C17orf58: variants seen among roughly 807,000 people sequenced by gnomAD.
C17orf58 encodes chromosome 17 open reading frame 58, also known as UPF0450 protein C17orf58.
In C17orf58, 5 loss-of-function variants were observed where a neutral mutation model predicts 7.4. The observed-to-expected ratio is 0.67, with a 90% CI of 0.35 to 1.42. The LOEUF is 1.42. Ranked by LOEUF, C17orf58 falls within the 40% of genes most tolerant of loss-of-function variation. The probability of loss-of-function intolerance (pLI) is 0.04; values close to 1 mark genes in which losing one functional copy is unlikely to be tolerated. For missense variants in C17orf58, 162 were observed against 174.2 expected, an observed-to-expected ratio of 0.93 and a Z score of 0.40; for synonymous variants, 60 against 70.6, an observed-to-expected ratio of 0.85 and a Z score of 0.75.
Position 67,993,094 on chromosome 17 carries a change from A to C in C17orf58, c.779T>G (p.Leu260Ter). 2 of 1,614,104 alleles carry C rather than the reference A, an allele frequency of 1.2e-6. No individual in the cohort carries two copies. Among genetic ancestry groups the C allele is most frequent in the Non-Finnish European group, 1.7e-6 (2 of 1,179,982 alleles). The change falls in exon 3 of 4, where the codon TTA becomes TGA. Residue 260 changes from leucine (L) to a stop codon, truncating the protein, a stop_gained. Coordinates refer to ENST00000580729, the MANE Select transcript of C17orf58 (RefSeq NM_001382359.1). LOFTEE classifies it high-confidence loss of function. The surrounding 1 kb of genome is among the most constrained non-coding windows in gnomAD (Gnocchi z 5.1). The stretch of plus-strand genomic sequence containing the variant: ...ATTGCAGCTGGAGGAGTCCAGGGCT[A>C]ACATGTGGACTCGGAAGAAGAAGCC... ...PDGFFFRVHM[L>*]ALDSSSCNKP...
At chr17:67,994,516 G>GTGTGTGTGTATATA (rs1244199425) in intron 1 of C17orf58, among the ~76,000 whole-genome samples, 23 of 89,530 alleles carry the variant, frequency 2.6e-4, no homozygotes, top group African/African-American at 7.1e-4. Context: ...GTGTGTGTGT[G>GTGTGTGTGTATATA]TATATATATA....
At chr17:67,994,619 A>C (rs374503338) in intron 1 of C17orf58, among the ~76,000 whole-genome samples, 19 of 151,142 alleles carry the variant, frequency 1.3e-4, no homozygotes, top group African/African-American at 3.9e-4. Context: ...GAAAGGTCTC[A>C]TATTACAGGT....
Position 67,994,441 on chromosome 17 carries a change from C to CTT in C17orf58, c.77-459_77-458dup, listed in dbSNP as rs1440865602. Among the ~76,000 whole-genome samples, 3 of 149,446 alleles carry CTT rather than the reference C, an allele frequency of 2.0e-5. No homozygotes were observed. In the East Asian group the frequency reaches 5.9e-4, roughly 29 times the overall value. ...CTTACAACACTGGTTAGATAACAAA[C>CTT]TTTTTTGCCCTTCCTTTAATATATA... On this transcript the variant is annotated intron_variant, in intron 1 of 3. Transcript: ENST00000580729.
rs190704818 is a variant in C17orf58 at position 67,992,008 on chromosome 17, C to T, written c.925G>A (p.Asp309Asn). 4 of 1,613,164 alleles carry T rather than the reference C, an allele frequency of 2.5e-6. No individual in the cohort carries two copies. In the African/African-American group the frequency reaches 4.0e-5, roughly 16 times the overall value. Residue 309 changes from aspartate (D) to asparagine (N), a missense_variant, in exon 4 of 4, where the codon GAT (aspartate) becomes AAT (asparagine). Asp to Asn is a conservative substitution (Grantham distance 23). Transcript: ENST00000580729. ...QVLRGRLRPG[D>N]GLLRSSSSYV... The stretch of plus-strand genomic sequence containing the variant: ...CTGCTGCTGCTCCTTAGCAGTCCAT[C>T]CCCTGGACGGAGGCGGCCTCTCAGG...
Position 67,993,938 on chromosome 17 carries a change from G to T in C17orf58, c.123C>A (p.Ser41Arg). The T allele has an allele frequency of 2.5e-6, 1 of 395,120 alleles. No homozygotes were observed. The allele number at this position is 395,120 out of a possible 1,614,324, so 24.5% of individuals were successfully genotyped here. A position where few individuals can be genotyped will look rare whatever the true frequency, so the allele number is the denominator to read the frequency against. ...SRKPDSRGCP[S>R]AEETPGPRAQ... is the part of the protein sequence containing the mutation. ...CGCGGGGCCCCGGTGTCTCCTCCGCGCTCGGGCAGCCGCGGGAGTCCGGCT... is the reference window on the plus strand; with the variant it reads ...CGCGGGGCCCCGGTGTCTCCTCCGCTCTCGGGCAGCCGCGGGAGTCCGGCT... Residue 41 changes from serine (S) to arginine (R), a missense_variant, in exon 2 of 4, where the codon AGC (serine) becomes AGA (arginine). This residue lies in a region of C17orf58 where 93 missense variants were observed against 90.4 expected (regional missense o/e 1.03). Coordinates refer to ENST00000580729, the MANE Select transcript of C17orf58 (RefSeq NM_001382359.1). This position sits in a 1 kb window ranked among gnomAD's most constrained non-coding sequence, Gnocchi z 5.1.
At chr17:67,996,099 G>T in intron 1 of C17orf58, 24 bp downstream of exon 1, 1 of 398,750 alleles carries the variant, frequency 2.5e-6, no homozygotes, top group Non-Finnish European at 4.4e-6. Context: ...CCGCTCCCAG[G>T]GCCCCGCACT....
chr17:67,992,732 C>T (rs2070846788), intron 3 of C17orf58, among the ~76,000 whole-genome samples: 1 of 152,104 alleles, frequency 6.6e-6, no homozygotes, highest in African/African-American at 2.4e-5. Flanking sequence ...AAAAAAGCAG[C>T]TTTTCTAAAC....
intron 3 of C17orf58, among the ~76,000 whole-genome samples, chr17:67,992,606 C>T (rs1277722314): frequency 2.0e-5 from 3 of 147,026 alleles, no homozygotes; most frequent in South Asian, 4.3e-4. Flanking sequence ...CAGTATGTAA[C>T]CGGACCACAT....
rs782567147 is a variant in C17orf58, at chr17:67,991,916, A to G, written c.1017T>C (p.Ile339=). 1 of 1,597,870 alleles carries G rather than the reference A, an allele frequency of 6.3e-7. No homozygotes were observed. Residue 339 remains isoleucine, a synonymous_variant, in exon 4 of 4, where the codon ATT becomes ATC. Transcript: ENST00000580729. ...QIQGAIHTQC[I] is the part of the protein sequence containing the mutation. ...CAGAAATGCCAGGATGGTTGTTTCA[A>G]ATGCATTGGGTATGAATTGCACCTT...
rs2070856539 is a variant in C17orf58 at position 67,993,337 on chromosome 17, A to G, written c.637+87T>C. On this transcript the variant is annotated intron_variant, in intron 2 of 3. Coordinates refer to ENST00000580729, the MANE Select transcript of C17orf58 (RefSeq NM_001382359.1). The surrounding 1 kb of genome is among the most constrained non-coding windows in gnomAD (Gnocchi z 5.1). ...AACCGCGAAACGGCCCGCACGGGTC[A>G]GGCGCCCTGGGATCTCGCGGGCGGA... is the stretch of plus-strand genomic sequence containing the variant. The G allele has an allele frequency of 9.8e-6, 7 of 716,422 alleles. No individual in the cohort carries two copies. The highest frequency in any genetic ancestry group is 3.0e-5 in the Admixed American group (1 of 32,958). The allele number at this position is 716,422 out of a possible 1,614,324, so 44.4% of individuals were successfully genotyped here.
rs782617371 is a variant in C17orf58, at chr17:67,994,512, G to GCATATATATATA, written c.77-529_77-528insTATATATATATG. ...CGTGTGCGTGTGTGTGTGTGTGTGT[G>GCATATATATATA]TGTGTATATATATATATATATATAA... On this transcript the variant is annotated intron_variant, in intron 1 of 3. Transcript: ENST00000580729. Among the ~76,000 whole-genome samples the GCATATATATATA allele has an allele frequency of 5.4e-4, 46 of 85,562 alleles. 1 individual carries two copies. Among genetic ancestry groups the GCATATATATATA allele is most frequent in the African/African-American group, 1.6e-3 (42 of 26,706 alleles). The allele number at this position is 85,562 out of a possible 152,430, so 56.1% of individuals were successfully genotyped here. A position where few individuals can be genotyped will look rare whatever the true frequency, so the allele number is the denominator to read the frequency against.
chr17:67,992,902 T>G (rs2148736702), intron 3 of C17orf58, 142 bp downstream of exon 3: 1 of 1,613,856 alleles, frequency 6.2e-7, no homozygotes. Context: ...GAATAATACC[T>G]GTCGTCTAAA....
In C17orf58 at chr17:67,993,272, C is replaced by T. The variant is rs1341945270; in HGVS notation, c.638-37G>A. 9.5e-5 allele frequency: 123 copies of T among 1,290,316 alleles called. No homozygotes were observed. Among genetic ancestry groups the T allele is most frequent in the Middle Eastern group, 7.5e-4 (4 of 5,300 alleles). The allele number at this position is 1,290,316 out of a possible 1,614,324, so 79.9% of individuals were successfully genotyped here. A position where few individuals can be genotyped will look rare whatever the true frequency, so the allele number is the denominator to read the frequency against. On this transcript the variant is annotated intron_variant, in intron 2 of 3. Coordinates refer to ENST00000580729, the MANE Select transcript of C17orf58 (RefSeq NM_001382359.1). This position sits in a 1 kb window ranked among gnomAD's most constrained non-coding sequence, Gnocchi z 5.1. ...AAACAGTTTGGAGAAGAGCATTACC[C>T]CGAGTTCCTCTCCCAGTCCCCCAGG...
At position 67,996,231 on chromosome 17, in the gene C17orf58, G is replaced by A. The variant is rs1383439846; in HGVS notation, c.-33C>T. The A allele has an allele frequency of 7.5e-6, 3 of 398,876 alleles. No individual in the cohort carries two copies. In the East Asian group the frequency reaches 1.1e-4, roughly 14 times the overall value. 24.7% of individuals were successfully genotyped at this position (398,876 alleles called of 1,614,324 possible). A position where few individuals can be genotyped will look rare whatever the true frequency, so the allele number is the denominator to read the frequency against. On this transcript the variant is annotated 5_prime_UTR_variant, in exon 1 of 4. Transcript: ENST00000580729. Reference sequence around the variant, plus strand: ...GACAGGGTTCCCAGGCTCTAAAAGTGAGCCTGGTCTTTTGCTTGCTTTCTC... The same window carrying A: ...GACAGGGTTCCCAGGCTCTAAAAGTAAGCCTGGTCTTTTGCTTGCTTTCTC...
Position 67,996,293 on chromosome 17 carries a change from A to G in C17orf58, c.-95T>C, listed in dbSNP as rs1318370652. Reference sequence around the variant, plus strand: ...CTTCTCCACACCCCCACCCCCGTTCATGCTAATGAGGGGCAGCCTTTGGGG... The same window carrying G: ...CTTCTCCACACCCCCACCCCCGTTCGTGCTAATGAGGGGCAGCCTTTGGGG... On this transcript the variant is annotated 5_prime_UTR_variant, in exon 1 of 4. It removes an upstream start codon present in the reference 5' UTR. Coordinates refer to ENST00000580729, the MANE Select transcript of C17orf58 (RefSeq NM_001382359.1). 1 of 394,516 alleles carries G rather than the reference A, an allele frequency of 2.5e-6. No individual in the cohort carries two copies. Among genetic ancestry groups the G allele is most frequent in the Non-Finnish European group, 4.5e-6 (1 of 224,486 alleles). The allele number at this position is 394,516 out of a possible 1,614,324, so 24.4% of individuals were successfully genotyped here.
intron 1 of C17orf58, among the ~76,000 whole-genome samples, chr17:67,994,281 A>T (rs1205084138): frequency 6.6e-6 from 1 of 151,142 alleles, no homozygotes; most frequent in Non-Finnish European, 1.5e-5. Flanking sequence ...AGCAGGGAGA[A>T]CCCGGACGCA....
chr17:67,991,736 G>A lies in C17orf58; in HGVS notation c.*177C>T, dbSNP rs187441145. 1.9e-4 allele frequency: 97 copies of A among 515,124 alleles called. No individual in the cohort carries two copies. Among genetic ancestry groups the A allele is most frequent in the African/African-American group, 1.7e-3 (89 of 51,892 alleles). The allele number at this position is 515,124 out of a possible 1,614,324, so 31.9% of individuals were successfully genotyped here. On this transcript the variant is annotated 3_prime_UTR_variant, in exon 4 of 4. Coordinates refer to ENST00000580729, the MANE Select transcript of C17orf58 (RefSeq NM_001382359.1). Reference sequence around the variant, plus strand: ...AGCTCAGGAGCAGCCCATTTAAGAAGCATCTTGTAAATAACAAAGTGACAC... The same window carrying A: ...AGCTCAGGAGCAGCCCATTTAAGAAACATCTTGTAAATAACAAAGTGACAC...
intron 1 of C17orf58, among the ~76,000 whole-genome samples, chr17:67,995,082 C>A (rs1555699684): frequency 6.6e-6 from 1 of 152,108 alleles, no homozygotes; most frequent in East Asian, 1.9e-4. Context: ...TTTTTCTCTC[C>A]CCTTGCATTA....
At chr17:67,994,480 ATGTGTGCGTGTGCGTGTG>A (rs1555699578) in intron 1 of C17orf58, among the ~76,000 whole-genome samples, 1 of 101,396 alleles carries the variant, frequency 9.9e-6, no homozygotes, top group African/African-American at 3.4e-5. Flanking sequence ...ATATGTGTGT[ATGTGTGCGTGTGCGTGTG>A]TGTGTGTGTG....
Sources: allele counts gnomAD v4.1 joint callset (sites outside exome capture counted in the v4.1 genomes callset), GRCh38; gene constraint gnomAD v4.1.1; regional missense constraint gnomAD v4.1.1; non-coding constraint Gnocchi (gnomAD v3.1); transcripts MANE v1.5; gene names NCBI Gene and HGNC (gene_info 2026-07-23, HGNC 2026-07-21).